The following ATP6V1E1 variants were observed in gnomAD, a reference collection of about 807,000 sequenced individuals.
ATP6V1E1 encodes ATPase H+ transporting V1 subunit E1, also known as V-type proton ATPase subunit E 1.
Under a neutral mutation model 35.2 loss-of-function variants are expected in ATP6V1E1, and 21 were observed. The ratio of observed to expected loss-of-function variants is 0.60; its 90% CI spans 0.42 to 0.86. The LOEUF (loss-of-function observed/expected upper bound fraction) is 0.86, where lower values mean the gene tolerates loss of function less well. Ranked by LOEUF, ATP6V1E1 falls within the 40% of genes least tolerant of loss-of-function variation. The pLI is 0.00. For synonymous variants in ATP6V1E1, 83 were observed against 87.8 expected, an observed-to-expected ratio of 0.95 and a Z score of 0.30; for missense variants, 183 against 272.6, an observed-to-expected ratio of 0.67 and a Z score of 2.32.
chr22:17,593,294 A>C (rs372682151), intron 8 of ATP6V1E1, among the ~76,000 whole-genome samples: 6,298 of 152,086 alleles, frequency 0.041, 453 homozygotes, highest in African/African-American at 0.14. Context: ...ACAAAAAAAA[A>C]CCTAAAGTCA....
intron 1 of ATP6V1E1, among the ~76,000 whole-genome samples, chr22:17,625,225 TAAAATGAAAAGACACTTTCAAGGAAA>T (rs2057897938): frequency 6.6e-6 from 1 of 152,090 alleles, no homozygotes; most frequent in Non-Finnish European, 1.5e-5. Flanking sequence ...AGGTTAAGAA[TAAAATGAAAAGACACTTTCAAGGAAA>T]TGGAAACATC....
At chr22:17,593,363 C>T (rs187768128) in intron 8 of ATP6V1E1, among the ~76,000 whole-genome samples, 1 of 152,254 alleles carries the variant, frequency 6.6e-6, no homozygotes, top group East Asian at 1.9e-4. Flanking sequence ...GGGTCACCTA[C>T]ACTCTTTCTT....
intron 2 of ATP6V1E1, among the ~76,000 whole-genome samples, chr22:17,618,628 G>A (rs2057858487): frequency 6.9e-6 from 1 of 145,034 alleles, no homozygotes; most frequent in Non-Finnish European, 1.5e-5. Context: ...CTTGCAGTGA[G>A]CCAAGATCTG....
chr22:17,600,115 C>A lies in ATP6V1E1; in HGVS notation c.367-20G>T. On this transcript the variant is annotated intron_variant, in intron 5 of 8. Transcript: ENST00000253413. The stretch of plus-strand genomic sequence containing the variant: ...CAAACCCTGGAAGAAATAGTAGATA[C>A]AGTCAGTAGAAAATGCAAACTATAA... The A allele has an allele frequency of 1.2e-6, 2 of 1,604,600 alleles. No homozygotes were observed. Among genetic ancestry groups the A allele is most frequent in the Non-Finnish European group, 1.7e-6 (2 of 1,171,558 alleles).
chr22:17,612,990 G>A (rs1385886225), intron 3 of ATP6V1E1, 112 bp from the exon 4 acceptor site: 24 of 1,074,430 alleles, frequency 2.2e-5, no homozygotes, highest in East Asian at 5.0e-5. Context: ...AAAGCACCAG[G>A]ATTACAAGCG....
At chr22:17,599,134 G>C (rs775133193) in intron 6 of ATP6V1E1, among the ~76,000 whole-genome samples, 3 of 152,258 alleles carry the variant, frequency 2.0e-5, no homozygotes, top group Non-Finnish European at 2.9e-5. Flanking sequence ...AAATAATGGA[G>C]AGTTAGTGTT....
intron 4 of ATP6V1E1, among the ~76,000 whole-genome samples, chr22:17,608,653 C>T (rs964910372): frequency 1.3e-5 from 2 of 152,198 alleles, no homozygotes. Context: ...GTCTCAAACT[C>T]TTGGCCTCAA....
intron 8 of ATP6V1E1, among the ~76,000 whole-genome samples, chr22:17,593,460 C>T (rs963532553): frequency 2.6e-5 from 4 of 152,216 alleles, no homozygotes; most frequent in African/African-American, 9.6e-5. Context: ...GCACTTGCTA[C>T]AGCCACTGAT....
chr22:17,594,551 C>A lies in ATP6V1E1; in HGVS notation c.596G>T (p.Arg199Leu). Residue 199 changes from arginine (R) to leucine (L), a missense_variant, in exon 8 of 9, where the codon CGG (arginine) becomes CTG (leucine). Transcript: ENST00000253413. Reference protein sequence around the residue: ...KIKVSNTLESRLDLIAQQMMP... With the variant: ...KIKVSNTLESLLDLIAQQMMP... The stretch of plus-strand genomic sequence containing the variant: ...CACCTGCTGGGCTATGAGATCCAGC[C>A]GGCTTTCCAGGGTGTTGGAAACCTT... 6.3e-7 allele frequency: 1 copy of A among 1,593,146 alleles called. No homozygotes were observed. The highest frequency in any genetic ancestry group is 1.1e-5 in the South Asian group (1 of 87,038).
At chr22:17,619,617 G>T in intron 1 of ATP6V1E1, 91 bp from the exon 2 acceptor site, 1 of 1,131,166 alleles carries the variant, frequency 8.8e-7, no homozygotes, top group Non-Finnish European at 1.3e-6. Flanking sequence ...TAGGTGCAGT[G>T]GCTCACGCCC....
intron 2 of ATP6V1E1, among the ~76,000 whole-genome samples, chr22:17,613,896 G>A (rs2057828515): frequency 6.6e-6 from 1 of 152,232 alleles, no homozygotes; most frequent in Non-Finnish European, 1.5e-5. Context: ...GAACCCGGGA[G>A]GCAGAGCTTG....
intron 1 of ATP6V1E1, among the ~76,000 whole-genome samples, chr22:17,620,463 T>TAC (rs1311216485): frequency 6.6e-6 from 1 of 151,846 alleles, no homozygotes; most frequent in Non-Finnish European, 1.5e-5. Context: ...CTTCCCTTCT[T>TAC]TAACAATCTT....
chr22:17,619,433 C>G (rs1251675279), intron 2 of ATP6V1E1, 28 bp downstream of exon 2: 2 of 1,573,878 alleles, frequency 1.3e-6, no homozygotes, highest in South Asian at 2.3e-5. Flanking sequence ...ACCTTGATAA[C>G]TTCTTAAAAC....
intron 7 of ATP6V1E1, among the ~76,000 whole-genome samples, chr22:17,597,475 T>C (rs1257780811): frequency 6.6e-6 from 1 of 151,970 alleles, no homozygotes; most frequent in East Asian, 1.9e-4. Flanking sequence ...ATTCTATCTC[T>C]AAGGAACCTA....
chr22:17,614,354 A>G (rs1166123430), intron 2 of ATP6V1E1, among the ~76,000 whole-genome samples: 1 of 151,874 alleles, frequency 6.6e-6, no homozygotes, highest in Non-Finnish European at 1.5e-5. Context: ...CCATCTAAAA[A>G]AATAAAAATA....
chr22:17,592,724 C>T lies in ATP6V1E1; in HGVS notation c.631G>A (p.Val211Ile), dbSNP rs556718660. Residue 211 changes from valine (V) to isoleucine (I), a missense_variant, in exon 9 of 9, where the codon GTC becomes ATC. Physicochemically the swap from Val to Ile is conservative, Grantham distance 29. Transcript: ENST00000253413. Reference protein sequence around the residue: ...DLIAQQMMPEVRGALFGANAN... With the variant: ...DLIAQQMMPEIRGALFGANAN... Reference sequence around the variant, plus strand: ...TTTGCACCAAACAAGGCTCCCCGGACTTCTGGCATCATCTGTGGAGAGAAA... The same window carrying T: ...TTTGCACCAAACAAGGCTCCCCGGATTTCTGGCATCATCTGTGGAGAGAAA... The T allele has an allele frequency of 8.1e-6, 13 of 1,613,008 alleles. No homozygotes were observed. The highest frequency in any genetic ancestry group is 6.6e-5 in the South Asian group (6 of 91,060).
At chr22:17,620,225 G>A (rs982573282) in intron 1 of ATP6V1E1, among the ~76,000 whole-genome samples, 2 of 149,144 alleles carry the variant, frequency 1.3e-5, no homozygotes, top group African/African-American at 4.9e-5. Flanking sequence ...TCGGCTCACT[G>A]CAAGCTCTGC....
At chr22:17,616,547 C>T (rs1007217850) in intron 2 of ATP6V1E1, among the ~76,000 whole-genome samples, 6 of 151,850 alleles carry the variant, frequency 4.0e-5, no homozygotes, top group African/African-American at 1.5e-4. Context: ...GGCGTGATGG[C>T]ATGCGCCTGT....
intron 4 of ATP6V1E1, among the ~76,000 whole-genome samples, chr22:17,601,452 A>G (rs138848306): frequency 9.3e-4 from 142 of 152,320 alleles, no homozygotes; most frequent in Non-Finnish European, 1.8e-3. Flanking sequence ...AGTGACTGAC[A>G]TGGAAAGATG....
Sources: allele counts gnomAD v4.1 joint callset (sites outside exome capture counted in the v4.1 genomes callset), GRCh38; gene constraint gnomAD v4.1.1; transcripts MANE v1.5; gene names NCBI Gene and HGNC (gene_info 2026-07-23, HGNC 2026-07-21).